RBFOX3: variants seen among roughly 807,000 people sequenced by gnomAD.
RBFOX3 encodes RNA binding fox-1 homolog 3.
In RBFOX3, 17 loss-of-function variants were observed where a neutral mutation model predicts 48.7. That is an observed-to-expected ratio of 0.35 (90% CI 0.24 to 0.52). The LOEUF is 0.52. RBFOX3 is among the 20% of genes least tolerant of loss of function. The pLI, the probability that RBFOX3 is intolerant of heterozygous loss-of-function variation, is 0.94. For missense variants in RBFOX3, 382 were observed against 497.5 expected, an observed-to-expected ratio of 0.77 and a Z score of 2.21; for synonymous variants, 212 against 209.5, an observed-to-expected ratio of 1.01 and a Z score of -0.10.
intron 2 of RBFOX3, among the ~76,000 whole-genome samples, chr17:79,410,951 C>T (rs902217333): frequency 1.3e-5 from 2 of 152,200 alleles, no homozygotes; most frequent in Non-Finnish European, 2.9e-5. Context: ...CCCTCCCACT[C>T]TCTGCACCAC....
chr17:79,096,197 G>A (rs1247032311), intron 12 of RBFOX3, among the ~76,000 whole-genome samples: 1 of 152,180 alleles, frequency 6.6e-6, no homozygotes, highest in African/African-American at 2.4e-5. Context: ...AGCACATGTG[G>A]CCCCATGAAG....
the RBFOX3 span, among the ~76,000 whole-genome samples, chr17:79,618,084 G>A: frequency 6.6e-6 from 1 of 152,198 alleles, no homozygotes; most frequent in African/African-American, 2.4e-5. Context: ...CACGTGGATG[G>A]GAAATGTCAG....
intron 1 of RBFOX3, among the ~76,000 whole-genome samples, chr17:79,511,972 CGG>C (rs2084338601): frequency 2.7e-5 from 4 of 146,470 alleles, no homozygotes; most frequent in African/African-American, 5.1e-5. Flanking sequence ...GACACCCACC[CGG>C]ATACATGTTA....
chr17:79,651,648 G>T, the RBFOX3 span, among the ~76,000 whole-genome samples: 2 of 32,192 alleles, frequency 6.2e-5, no homozygotes, highest in Non-Finnish European at 9.1e-5. Context: ...CTCTCTCTCT[G>T]TCTCTCTCTC....
chr17:79,173,678 G>A (rs1201087202), intron 4 of RBFOX3, among the ~76,000 whole-genome samples: 4 of 152,334 alleles, frequency 2.6e-5, no homozygotes, highest in East Asian at 3.9e-4. Context: ...CCGCTCACTG[G>A]GTGATGGGGC....
chr17:79,545,950 A>C (rs1165590612), intron 1 of RBFOX3, among the ~76,000 whole-genome samples: 1 of 152,218 alleles, frequency 6.6e-6, no homozygotes, highest in Non-Finnish European at 1.5e-5. Context: ...GTGTGTGTGC[A>C]CGTGTGTGCG....
At chr17:79,094,783 A>C (rs1472024415) in intron 13 of RBFOX3, among the ~76,000 whole-genome samples, 1 of 105,852 alleles carries the variant, frequency 9.4e-6, no homozygotes. Context: ...GGGTGGGGGG[A>C]GGGGGTGTGT....
At chr17:79,592,777 A>G (rs2093460484) in intron 1 of RBFOX3, among the ~76,000 whole-genome samples, 1 of 152,196 alleles carries the variant, frequency 6.6e-6, no homozygotes, top group Non-Finnish European at 1.5e-5. Context: ...GCACTGCGGC[A>G]TGGGGCCCTT....
chr17:79,526,509 G>A (rs1044493221), intron 1 of RBFOX3, among the ~76,000 whole-genome samples: 6 of 152,340 alleles, frequency 3.9e-5, no homozygotes, highest in East Asian at 1.9e-4. Context: ...TGAATGCCCC[G>A]AGTGGTCCCC....
intron 4 of RBFOX3, among the ~76,000 whole-genome samples, chr17:79,123,070 G>C (rs962662080): frequency 6.6e-6 from 1 of 151,938 alleles, no homozygotes; most frequent in Non-Finnish European, 1.5e-5. Flanking sequence ...GACGAGGGGG[G>C]TGTGGGCTGG....
chr17:79,353,836 G>T (rs2084429300), intron 2 of RBFOX3, among the ~76,000 whole-genome samples: 2 of 152,098 alleles, frequency 1.3e-5, no homozygotes, highest in Admixed American at 1.3e-4. Flanking sequence ...TTCCCCAGGC[G>T]AACCTTGCAC....
At chr17:79,583,068 T>C (rs2093130299) in intron 1 of RBFOX3, among the ~76,000 whole-genome samples, 1 of 152,104 alleles carries the variant, frequency 6.6e-6, no homozygotes, top group African/African-American at 2.4e-5. Context: ...ACATCAAGGA[T>C]GAAAGATCCA....
At chr17:79,427,869 C>T (rs1211318840) in intron 2 of RBFOX3, among the ~76,000 whole-genome samples, 1 of 152,266 alleles carries the variant, frequency 6.6e-6, no homozygotes, top group Non-Finnish European at 1.5e-5. Flanking sequence ...CACGTGTACA[C>T]ACGTCCCTGA....
At chr17:79,184,049 T>A (rs1056398343) in intron 4 of RBFOX3, among the ~76,000 whole-genome samples, 1 of 152,232 alleles carries the variant, frequency 6.6e-6, no homozygotes, top group Non-Finnish European at 1.5e-5. Context: ...CGCCTCGTCC[T>A]GTTTCGCGTT....
intron 1 of RBFOX3, among the ~76,000 whole-genome samples, chr17:79,592,180 G>A (rs953485107): frequency 2.0e-5 from 3 of 150,430 alleles, no homozygotes; most frequent in Non-Finnish European, 4.4e-5. Context: ...AGGGTGTGGA[G>A]TACTGTCGTC....
At chr17:79,262,705 G>T (rs753893055) in intron 3 of RBFOX3, among the ~76,000 whole-genome samples, 1 of 152,188 alleles carries the variant, frequency 6.6e-6, no homozygotes, top group Non-Finnish European at 1.5e-5. Flanking sequence ...TGGCTGCCCC[G>T]TGTGCCCCAC....
intron 1 of RBFOX3, among the ~76,000 whole-genome samples, chr17:79,555,574 G>A (rs1399072018): frequency 9.4e-4 from 3 of 3,178 alleles, no homozygotes; most frequent in Non-Finnish European, 1.5e-3. Context: ...TGTGGTGGTA[G>A]TGATGATGAT....
chr17:79,586,451 G>A (rs2093252493), intron 1 of RBFOX3, among the ~76,000 whole-genome samples: 1 of 152,224 alleles, frequency 6.6e-6, no homozygotes, highest in African/African-American at 2.4e-5. Flanking sequence ...GGACTCATGA[G>A]CAAGAACAAC....
intron 4 of RBFOX3, among the ~76,000 whole-genome samples, chr17:79,133,202 A>C (rs2039392677): frequency 6.6e-6 from 1 of 152,162 alleles, no homozygotes; most frequent in Non-Finnish European, 1.5e-5. Context: ...TAAGTTACCA[A>C]GGCAGGGGCC....
Sources: gnomAD v4.1 joint callset for allele counts (sites outside exome capture counted in the v4.1 genomes callset) on GRCh38, gnomAD v4.1.1 for gene constraint, MANE v1.5 for transcripts, NCBI Gene and HGNC (gene_info 2026-07-23, HGNC 2026-07-21) for gene names.